The following CSMD1 variants were observed in gnomAD, a reference collection of about 807,000 sequenced individuals.
CSMD1 encodes the protein CUB and sushi domain-containing protein 1.
In CSMD1, 213 loss-of-function variants were observed where a neutral mutation model predicts 417.5. That is an observed-to-expected ratio of 0.51 (90% CI 0.46 to 0.57). The LOEUF is 0.57. CSMD1 is among the 20% of genes least tolerant of loss of function. The probability of loss-of-function intolerance (pLI) is 0.00; values close to 1 mark genes in which losing one functional copy is unlikely to be tolerated. For missense variants in CSMD1, 6,923 were observed against 4,529.7 expected (o/e 1.53, Z -15.17); for synonymous variants, 2,862 against 1,736.8 (o/e 1.65, Z -16.11).
intron 5 of CSMD1, among the ~76,000 whole-genome samples, chr8:3,904,755 G>C (rs1021244815): frequency 4.0e-5 from 6 of 150,962 alleles, no homozygotes; most frequent in Non-Finnish European, 7.4e-5. Context: ...TCATACCTCA[G>C]CCTCCCAAGT....
intron 5 of CSMD1, among the ~76,000 whole-genome samples, chr8:3,810,837 G>A (rs1165698397): frequency 1.3e-5 from 2 of 152,140 alleles, no homozygotes; most frequent in African/African-American, 4.8e-5. Context: ...ATTCAAAGAT[G>A]GGGCCATTGA....
At chr8:4,169,898 C>T (rs962098261) in intron 3 of CSMD1, among the ~76,000 whole-genome samples, 1 of 149,708 alleles carries the variant, frequency 6.7e-6, no homozygotes, top group Non-Finnish European at 1.5e-5. Context: ...TCTATGAGTA[C>T]CTGTTTCCAC....
chr8:4,477,030 T>C (rs1161719943), intron 2 of CSMD1, among the ~76,000 whole-genome samples: 1 of 152,182 alleles, frequency 6.6e-6, no homozygotes, highest in East Asian at 1.9e-4. Context: ...GGGATTTCCC[T>C]CCCGCAGGGC....
chr8:4,539,401 A>G (rs571998261), intron 2 of CSMD1, among the ~76,000 whole-genome samples: 1 of 152,348 alleles, frequency 6.6e-6, no homozygotes, highest in Admixed American at 6.5e-5. Flanking sequence ...CCACAGAATC[A>G]TCATTTCATT....
intron 25 of CSMD1, among the ~76,000 whole-genome samples, chr8:3,286,664 T>A (rs1274178687): frequency 7.6e-6 from 1 of 131,534 alleles, no homozygotes; most frequent in Non-Finnish European, 1.8e-5. Flanking sequence ...ACCCACTTAT[T>A]GAAGGGGTTG....
intron 3 of CSMD1, among the ~76,000 whole-genome samples, chr8:4,303,371 A>C (rs1233191358): frequency 6.6e-5 from 10 of 151,308 alleles, no homozygotes; most frequent in Admixed American, 5.9e-4. Context: ...ATCTTCAAAT[A>C]ATTTATTAAT....
At chr8:3,211,281 G>A (rs532318015) in intron 30 of CSMD1, among the ~76,000 whole-genome samples, 10 of 152,126 alleles carry the variant, frequency 6.6e-5, no homozygotes, top group Non-Finnish European at 1.2e-4. Context: ...TGGTCCTCAA[G>A]CGATCCTCCT....
At chr8:4,045,695 A>G (rs542295754) in intron 3 of CSMD1, among the ~76,000 whole-genome samples, 15 of 152,338 alleles carry the variant, frequency 9.8e-5, no homozygotes, top group African/African-American at 3.4e-4. Context: ...TAAGAGTCAA[A>G]GCAGTAACCA....
At chr8:3,807,228 AT>A (rs1327206163) in intron 5 of CSMD1, among the ~76,000 whole-genome samples, 1 of 152,200 alleles carries the variant, frequency 6.6e-6, no homozygotes, top group Non-Finnish European at 1.5e-5. Context: ...TGATAAACCT[AT>A]ATTTAATGCC....
chr8:4,112,244 G>A (rs914155173), intron 3 of CSMD1, among the ~76,000 whole-genome samples: 1 of 152,074 alleles, frequency 6.6e-6, no homozygotes, highest in Non-Finnish European at 1.5e-5. Context: ...ACCTCCTGAG[G>A]TTCTTAGAAG....
Position 3,399,230 on chromosome 8 carries a change from G to C in CSMD1, c.2405+161C>G, listed in dbSNP as rs565422495. ...TGTGGGCTTAGAGGATACCACTGAA[G>C]AAGAACAAAACTTACAAGTAAGTGC... On this transcript the variant is annotated intron_variant, in intron 16 of 69. Transcript: ENST00000635120. Among the ~76,000 whole-genome samples, 21 of 152,262 alleles carry C rather than the reference G, an allele frequency of 1.4e-4. 1 individual carries two copies. In the South Asian group the frequency reaches 3.1e-3, roughly 23 times the overall value.
intron 2 of CSMD1, among the ~76,000 whole-genome samples, chr8:4,566,009 C>T (rs556847486): frequency 6.6e-6 from 1 of 151,650 alleles, no homozygotes; most frequent in African/African-American, 2.4e-5. Context: ...TTTATTAATT[C>T]TATTTTACAT....
chr8:4,801,117 T>C (rs570990262), intron 1 of CSMD1, among the ~76,000 whole-genome samples: 150 of 152,078 alleles, frequency 9.9e-4, no homozygotes, highest in African/African-American at 3.4e-3. Flanking sequence ...AAAAGAAAAA[T>C]TGGTGTCATT....
chr8:3,607,589 A>T (rs1563194756), intron 8 of CSMD1, among the ~76,000 whole-genome samples: 1 of 152,202 alleles, frequency 6.6e-6, no homozygotes, highest in Non-Finnish European at 1.5e-5. Context: ...CTAGGAGATC[A>T]CCAGGCAATG....
At chr8:3,404,206 T>G (rs546016056) in intron 15 of CSMD1, among the ~76,000 whole-genome samples, 1 of 152,164 alleles carries the variant, frequency 6.6e-6, no homozygotes, top group East Asian at 1.9e-4. Context: ...TGGTGGCAGG[T>G]GTCTGTAGTC....
chr8:3,394,252 T>C (rs1811551146), intron 17 of CSMD1, among the ~76,000 whole-genome samples: 1 of 146,982 alleles, frequency 6.8e-6, no homozygotes, highest in South Asian at 2.1e-4. Context: ...TATATTATAG[T>C]ATAATATAAT....
chr8:3,657,027 G>C (rs984004913), intron 7 of CSMD1, among the ~76,000 whole-genome samples: 3 of 150,378 alleles, frequency 2.0e-5, no homozygotes, highest in Non-Finnish European at 3.0e-5. Context: ...GAGACATACA[G>C]GAAAGTGTCT....
At chr8:4,882,373 G>A (rs1355683642) in intron 1 of CSMD1, among the ~76,000 whole-genome samples, 1 of 151,762 alleles carries the variant, frequency 6.6e-6, no homozygotes, top group Admixed American at 6.6e-5. Context: ...GAGTACCGGA[G>A]GGAAATTGAA....
At chr8:4,944,515 G>C (rs11986686) in intron 1 of CSMD1, among the ~76,000 whole-genome samples, 77,957 of 152,044 alleles carry the variant, frequency 0.51, 21,249 homozygotes, top group East Asian at 0.79. Context: ...GAACACATCA[G>C]AGACTCAGAC....
Sources: allele counts gnomAD v4.1 joint callset (sites outside exome capture counted in the v4.1 genomes callset), GRCh38; gene constraint gnomAD v4.1.1; transcripts MANE v1.5; gene names NCBI Gene and HGNC (gene_info 2026-07-23, HGNC 2026-07-21).